Variants in VPS54 observed in about 807,000 individuals in gnomAD.
VPS54 encodes VPS54 subunit of GARP complex, also known as vacuolar protein sorting-associated protein 54.
In VPS54, 45 loss-of-function variants were observed where a neutral mutation model predicts 121.5. The ratio of observed to expected loss-of-function variants is 0.37; its 90% confidence interval spans 0.29 to 0.47. VPS54 has a LOEUF of 0.47. Among genes scored for constraint, VPS54 ranks in the 20% least tolerant of loss-of-function variants. The probability of loss-of-function intolerance (pLI) is 0.99; values close to 1 mark genes in which losing one functional copy is unlikely to be tolerated. For synonymous variants in VPS54, 371 were observed against 385.8 expected (o/e 0.96, Z 0.45); for missense variants, 1,090 against 1,131.4 (o/e 0.96, Z 0.52).
chr2:63,967,771 G>A (rs1227711794), intron 5 of VPS54, among the ~76,000 whole-genome samples: 1 of 149,444 alleles, frequency 6.7e-6, no homozygotes, highest in African/African-American at 2.5e-5. Flanking sequence ...CCTTAAAGGG[G>A]TAGCAGAGGG....
intron 1 of VPS54, among the ~76,000 whole-genome samples, chr2:63,988,298 T>C (rs369317865): frequency 1.3e-5 from 2 of 152,238 alleles, no homozygotes; most frequent in East Asian, 1.9e-4. Context: ...TCTCTTGATA[T>C]GATGTATCAC....
At chr2:63,985,301 A>G (rs896469133) in intron 1 of VPS54, among the ~76,000 whole-genome samples, 2 of 152,208 alleles carry the variant, frequency 1.3e-5, no homozygotes, top group Non-Finnish European at 2.9e-5. Flanking sequence ...CCTGGGCAAC[A>G]TGGTGAGACC....
At chr2:63,903,113 G>A (rs1672759218) in intron 20 of VPS54, among the ~76,000 whole-genome samples, 1 of 152,138 alleles carries the variant, frequency 6.6e-6, no homozygotes, top group South Asian at 2.1e-4. Context: ...CACACAACAG[G>A]TCCAAGAAGT....
intron 15 of VPS54, among the ~76,000 whole-genome samples, chr2:63,917,561 C>A (rs1011470162): frequency 9.9e-5 from 15 of 151,970 alleles, no homozygotes; most frequent in African/African-American, 3.1e-4. Context: ...TGGATTTTAT[C>A]CTGGACACGC....
chr2:63,966,077 A>G, intron 5 of VPS54, 111 bp from the exon 6 acceptor site: 4 of 1,060,582 alleles, frequency 3.8e-6, no homozygotes, highest in Non-Finnish European at 5.4e-6. Flanking sequence ...GAGTATGAAT[A>G]GCAAAAGCAA....
chr2:63,927,777 T>A (rs1673984384), intron 12 of VPS54, among the ~76,000 whole-genome samples: 1 of 152,120 alleles, frequency 6.6e-6, no homozygotes. Context: ...GAAGATTAGA[T>A]GAGTGGCTAA....
chr2:63,971,041 T>A (rs1676262039), intron 4 of VPS54, among the ~76,000 whole-genome samples: 1 of 152,146 alleles, frequency 6.6e-6, no homozygotes, highest in Non-Finnish European at 1.5e-5. Context: ...CCTCCTCCTA[T>A]ATTGCCTCTC....
rs554179277 is a variant in VPS54, at chr2:64,004,951, G to A, written c.-21+13987C>T. Among the ~76,000 whole-genome samples the A allele has an allele frequency of 6.6e-5, 10 of 151,724 alleles. No individual in the cohort carries two copies. In the East Asian group the frequency reaches 1.7e-3, roughly 27 times the overall value. ...ACACTACCACACCTGGCTAATTTTT[G>A]TATTTTTGTAGAGACGAGGTCTCAC... On this transcript the variant is annotated intron_variant, in intron 1 of 22. Transcript: ENST00000272322.
Position 63,892,950 on chromosome 2 carries a change from AT to A in VPS54, c.*479del, listed in dbSNP as rs900137227. Reference sequence around the variant, plus strand: ...TTTTTATAGAAAGATCTGTAAAAAAATAATAATTTTTCAAACAGCTTTACTT... The same window carrying A: ...TTTTTATAGAAAGATCTGTAAAAAAAAATAATTTTTCAAACAGCTTTACTT... On this transcript the variant is annotated 3_prime_UTR_variant, in exon 23 of 23. Transcript: ENST00000272322. The A allele has an allele frequency of 6.6e-6, 1 of 151,018 alleles. No individual in the cohort carries two copies. The highest frequency in any genetic ancestry group is 2.5e-5 in the African/African-American group (1 of 39,336). The allele number at this position is 151,018 out of a possible 1,614,324, so 9.4% of individuals were successfully genotyped here.
At chr2:63,979,279 A>T (rs536474211) in intron 3 of VPS54, among the ~76,000 whole-genome samples, 1 of 142,722 alleles carries the variant, frequency 7.0e-6, no homozygotes, top group South Asian at 2.2e-4. Flanking sequence ...TCGCTCTGTC[A>T]CCCAGGCTAG....
intron 1 of VPS54, among the ~76,000 whole-genome samples, chr2:63,991,003 T>C (rs1677292439): frequency 6.6e-6 from 1 of 152,208 alleles, no homozygotes; most frequent in Non-Finnish European, 1.5e-5. Flanking sequence ...TCGTATCTGG[T>C]GGTCACAAGA....
At chr2:64,014,023 T>G (rs1243546056) in intron 1 of VPS54, among the ~76,000 whole-genome samples, 1 of 148,358 alleles carries the variant, frequency 6.7e-6, no homozygotes, top group Non-Finnish European at 1.5e-5. Flanking sequence ...AAACCCTGTC[T>G]CCACTTAAAA....
intron 20 of VPS54, among the ~76,000 whole-genome samples, chr2:63,907,258 C>A (rs1189179972): frequency 6.6e-6 from 1 of 151,992 alleles, no homozygotes; most frequent in Non-Finnish European, 1.5e-5. Flanking sequence ...GTGGCTCATG[C>A]CTGTAATCCC....
At chr2:63,913,735 A>G in intron 17 of VPS54, 1 of 608,806 alleles carries the variant, frequency 1.6e-6, no homozygotes, top group Non-Finnish European at 2.1e-6. Context: ...GTAGTTTAAA[A>G]TATCTCAATA....
rs532007459 is a variant in VPS54, at chr2:63,943,663, A to G, written c.1301+937T>C. ...TATGAACAAGAAATTCAGTCATAAA[A>G]TATTATCACTATTCTTCTTAAAATA... On this transcript the variant is annotated intron_variant, in intron 10 of 22. Transcript: ENST00000272322. Among the ~76,000 whole-genome samples the G allele has an allele frequency of 1.7e-4, 26 of 151,966 alleles. No homozygotes were observed. The East Asian group carries it at 3.3e-3, about 19-fold the overall frequency.
Position 63,944,632 on chromosome 2 carries a change from T to A in VPS54, c.1269A>T (p.Gln423His). The A allele has an allele frequency of 1.2e-6, 2 of 1,610,086 alleles. No homozygotes were observed. The highest frequency in any genetic ancestry group is 1.7e-6 in the Non-Finnish European group (2 of 1,178,550). ...IKQCVINKVS[Q>H]TEEIDTDVVV... The stretch of plus-strand genomic sequence containing the variant: ...CAACATCTGTGTCTATTTCTTCTGT[T>A]TGTGAAACTTTATTAATCACACACT... The change falls in exon 10 of 23, where the codon CAA becomes CAT. Residue 423 changes from glutamine to histidine, a missense_variant. Gln to His is a conservative substitution (Grantham distance 24, BLOSUM62 0). This residue lies in a region of VPS54 where 801 missense variants were observed against 757.0 expected (regional missense o/e 1.06). Transcript: ENST00000272322.
chr2:63,911,550 A>G (rs1673150476), intron 20 of VPS54, among the ~76,000 whole-genome samples: 1 of 152,162 alleles, frequency 6.6e-6, no homozygotes, highest in Admixed American at 6.5e-5. Context: ...ATGACTTGTG[A>G]TATCATTATT....
In VPS54 at chr2:63,919,782, G is replaced by A; in HGVS notation, c.2164+101C>T. Reference sequence around the variant, plus strand: ...TACTAAGCTGGAAATATTGGTTCTAGCTTTGAAATAGGCATTGTCAACTAA... The same window carrying A: ...TACTAAGCTGGAAATATTGGTTCTAACTTTGAAATAGGCATTGTCAACTAA... On this transcript the variant is annotated intron_variant, in intron 15 of 22. Coordinates refer to ENST00000272322, the MANE Select transcript of VPS54 (RefSeq NM_016516.3). The A allele has an allele frequency of 8.0e-6, 6 of 746,416 alleles. No individual in the cohort carries two copies. In the South Asian group the frequency reaches 1.3e-4, roughly 17 times the overall value. The allele number at this position is 746,416 out of a possible 1,614,324, so 46.2% of individuals were successfully genotyped here. A position where few individuals can be genotyped will look rare whatever the true frequency, so the allele number is the denominator to read the frequency against.
chr2:63,920,312 A>C, intron 14 of VPS54, 134 bp downstream of exon 14: 3 of 786,068 alleles, frequency 3.8e-6, no homozygotes, highest in Non-Finnish European at 5.3e-6. Flanking sequence ...TTTTAATTCC[A>C]CAATCTGCCT....
Sources: allele counts gnomAD v4.1 joint callset (sites outside exome capture counted in the v4.1 genomes callset), GRCh38; gene constraint gnomAD v4.1.1; regional missense constraint gnomAD v4.1.1; transcripts MANE v1.5; gene names NCBI Gene and HGNC (gene_info 2026-07-23, HGNC 2026-07-21).